ARHGEF38: variants seen among roughly 807,000 people sequenced by gnomAD.
The protein encoded by ARHGEF38 is Rho guanine nucleotide exchange factor 38.
Under a neutral mutation model 79.9 loss-of-function variants are expected in ARHGEF38, and 79 were observed. The observed-to-expected ratio is 0.99, with a 90% CI of 0.82 to 1.19. The LOEUF (loss-of-function observed/expected upper bound fraction) is 1.19, where lower values mean the gene tolerates loss of function less well. Among genes scored for constraint, ARHGEF38 ranks in the 50% most tolerant of loss-of-function variants. The pLI, the probability that ARHGEF38 is intolerant of heterozygous loss-of-function variation, is 0.00. For synonymous variants in ARHGEF38, 366 were observed against 328.3 expected (o/e 1.11, Z -1.24); for missense variants, 962 against 907.2 (o/e 1.06, Z -0.78).
intron 9 of ARHGEF38, among the ~76,000 whole-genome samples, chr4:105,658,237 A>G (rs748351464): frequency 2.0e-5 from 3 of 152,070 alleles, no homozygotes; most frequent in South Asian, 2.1e-4. Flanking sequence ...GTGAGACCGT[A>G]TCTCTACCAA....
rs546426740 is a variant in ARHGEF38 at position 105,595,299 on chromosome 4, T to C, written c.384+5864T>C. Reference sequence around the variant, plus strand: ...AACAAGAAAGTTATGTGTATTTATTTTGAATTTACTCATATTTGGTTTAAT... The same window carrying C: ...AACAAGAAAGTTATGTGTATTTATTCTGAATTTACTCATATTTGGTTTAAT... On this transcript the variant is annotated intron_variant, in intron 2 of 13. Transcript: ENST00000420470. Among the ~76,000 whole-genome samples the C allele has an allele frequency of 5.4e-4, 83 of 152,322 alleles. No individual in the cohort carries two copies. The Middle Eastern group carries it at 0.01, about 19-fold the overall frequency.
At chr4:105,674,740 T>C (rs1731061996) in intron 13 of ARHGEF38, among the ~76,000 whole-genome samples, 1 of 152,106 alleles carries the variant, frequency 6.6e-6, no homozygotes, top group Admixed American at 6.5e-5. Flanking sequence ...ATTTTGTACT[T>C]TAAATTTACA....
intron 3 of ARHGEF38, among the ~76,000 whole-genome samples, chr4:105,625,278 T>G (rs1292534952): frequency 6.6e-6 from 1 of 152,144 alleles, no homozygotes; most frequent in Non-Finnish European, 1.5e-5. Flanking sequence ...GGGCCTTAAC[T>G]CATCAGGATT....
Position 105,667,290 on chromosome 4 carries a change from A to T in ARHGEF38, c.1851A>T (p.Pro617=). The T allele has an allele frequency of 2.0e-6, 3 of 1,536,212 alleles. No individual in the cohort carries two copies. Among genetic ancestry groups the T allele is most frequent in the Non-Finnish European group, 2.6e-6 (3 of 1,146,932 alleles). The part of the protein sequence containing the change: ...DLVAVIEQKD[P]LGSTSRWLVD... ...TGGCTGTGATAGAACAGAAAGATCCACTGGGGAGTACAAGCAGGTGGCTTG... is the reference window on the plus strand; with the variant it reads ...TGGCTGTGATAGAACAGAAAGATCCTCTGGGGAGTACAAGCAGGTGGCTTG... The change falls in exon 12 of 14, where the codon CCA becomes CCT. Residue 617 remains proline (P), a synonymous_variant. Coordinates refer to ENST00000420470, the MANE Select transcript of ARHGEF38 (RefSeq NM_001242729.2).
At chr4:105,671,631 G>C (rs1450368789) in intron 13 of ARHGEF38, among the ~76,000 whole-genome samples, 1 of 152,202 alleles carries the variant, frequency 6.6e-6, no homozygotes, top group Non-Finnish European at 1.5e-5. Context: ...GATAGTATAA[G>C]TCAATACATT....
chr4:105,595,696 A>C (rs1727549272), intron 2 of ARHGEF38, among the ~76,000 whole-genome samples: 1 of 152,172 alleles, frequency 6.6e-6, no homozygotes, highest in Non-Finnish European at 1.5e-5. Context: ...CAATGGTTAC[A>C]TTTACACATA....
At chr4:105,654,564 G>T (rs529342358) in intron 8 of ARHGEF38, among the ~76,000 whole-genome samples, 81 of 152,040 alleles carry the variant, frequency 5.3e-4, no homozygotes, top group Non-Finnish European at 9.0e-4. Context: ...CAATATAAAG[G>T]AAAATAAATT....
intron 3 of ARHGEF38, among the ~76,000 whole-genome samples, chr4:105,620,053 T>C (rs1189021830): frequency 6.6e-6 from 1 of 152,116 alleles, no homozygotes. Flanking sequence ...TTGGATAAGG[T>C]TTAAGTTTAA....
chr4:105,610,066 A>C (rs2110487254), intron 2 of ARHGEF38, among the ~76,000 whole-genome samples: 1 of 152,262 alleles, frequency 6.6e-6, no homozygotes, highest in African/African-American at 2.4e-5. Context: ...AGAGACATAG[A>C]TAAAGCTGGA....
chr4:105,671,781 G>A (rs980289965), intron 13 of ARHGEF38, among the ~76,000 whole-genome samples: 6 of 152,226 alleles, frequency 3.9e-5, no homozygotes, highest in East Asian at 1.9e-4. Flanking sequence ...TTAGACTTTC[G>A]TTCTTGATTT....
intron 1 of ARHGEF38, among the ~76,000 whole-genome samples, chr4:105,571,050 G>T (rs372803626): frequency 6.6e-6 from 1 of 152,116 alleles, no homozygotes; most frequent in Admixed American, 6.5e-5. Flanking sequence ...TGTTTAATAG[G>T]TATAAAATTT....
chr4:105,563,921 C>G (rs1725760135), intron 1 of ARHGEF38, among the ~76,000 whole-genome samples: 1 of 152,158 alleles, frequency 6.6e-6, no homozygotes, highest in Non-Finnish European at 1.5e-5. Flanking sequence ...CCATACTTCA[C>G]AGAAACACTA....
In ARHGEF38 at chr4:105,572,844, C is replaced by T. The variant is rs181964141; in HGVS notation, c.197-16404C>T. On this transcript the variant is annotated intron_variant, in intron 1 of 13. Transcript: ENST00000420470. ...AGCTATTGAGAATAATGCAATCCTA[C>T]CAACAATACTCAAGAATTCCAATTC... Among the ~76,000 whole-genome samples the T allele has an allele frequency of 6.8e-4, 103 of 152,278 alleles. 1 individual carries two copies. The highest frequency in any genetic ancestry group is 5.2e-4 in the Admixed American group (8 of 15,284).
rs1727551543 is a variant in ARHGEF38, at chr4:105,595,760, C to T, written c.384+6325C>T. ...AATCATCTCTAGATTATTTATGGTA[C>T]CTAATACAATGTAAATGCCATCTAA... On this transcript the variant is annotated intron_variant, in intron 2 of 13. Transcript: ENST00000420470. Among the ~76,000 whole-genome samples the T allele has an allele frequency of 4.6e-5, 7 of 152,052 alleles. No homozygotes were observed. The South Asian group carries it at 1.5e-3, about 32-fold the overall frequency.
chr4:105,645,253 A>AC lies in ARHGEF38; in HGVS notation c.745dup (p.Leu249ProfsTer31). 4 of 1,535,296 alleles carry AC rather than the reference A, an allele frequency of 2.6e-6. No individual in the cohort carries two copies. Among genetic ancestry groups the AC allele is most frequent in the Non-Finnish European group, 3.5e-6 (4 of 1,146,474 alleles). ...AAACCAATTCAACGTGTGATGAAAT[A>AC]CCCCCTATTACTGTGCGAACTTCGG... On this transcript the variant is annotated frameshift_variant, in exon 6 of 14. Transcript: ENST00000420470. LOFTEE classifies it high-confidence loss of function.
intron 5 of ARHGEF38, among the ~76,000 whole-genome samples, chr4:105,637,046 T>C (rs1037452801): frequency 7.9e-5 from 12 of 152,080 alleles, no homozygotes; most frequent in African/African-American, 2.9e-4. Context: ...AAGGATGAAA[T>C]TGACTTCAAT....
At chr4:105,588,642 A>G (rs1431733147) in intron 1 of ARHGEF38, among the ~76,000 whole-genome samples, 2 of 152,260 alleles carry the variant, frequency 1.3e-5, no homozygotes, top group Non-Finnish European at 2.9e-5. Context: ...GAATTTTGAA[A>G]TAACAAGATA....
chr4:105,572,440 G>A (rs565684665), intron 1 of ARHGEF38, among the ~76,000 whole-genome samples: 2 of 152,162 alleles, frequency 1.3e-5, no homozygotes, highest in South Asian at 2.1e-4. Context: ...CAGTTCCGTG[G>A]CATTAAATAC....
chr4:105,562,236 A>C (rs766526935), intron 1 of ARHGEF38, among the ~76,000 whole-genome samples: 8 of 152,162 alleles, frequency 5.3e-5, no homozygotes, highest in Non-Finnish European at 8.8e-5. Context: ...CATACCATCT[A>C]TTACTCTATG....
Sources: allele counts gnomAD v4.1 joint callset (sites outside exome capture counted in the v4.1 genomes callset), GRCh38; gene constraint gnomAD v4.1.1; transcripts MANE v1.5; gene names NCBI Gene and HGNC (gene_info 2026-07-23, HGNC 2026-07-21).